BUD13: variants seen among roughly 807,000 people sequenced by gnomAD.
BUD13 encodes the protein BUD13 spliceosome associated protein.
A neutral mutation model predicts 62.5 loss-of-function variants in BUD13; 47 were observed. That is an observed-to-expected ratio of 0.75 (90% CI 0.60 to 0.96). The LOEUF is 0.96. Ranked by LOEUF, BUD13 falls within the 40% of genes least tolerant of loss-of-function variation. The probability of loss-of-function intolerance (pLI) is 0.00; values close to 1 mark genes in which losing one functional copy is unlikely to be tolerated. For synonymous variants in BUD13, 293 were observed against 280.1 expected, an observed-to-expected ratio of 1.05 and a Z score of -0.46; for missense variants, 821 against 790.9, an observed-to-expected ratio of 1.04 and a Z score of -0.46.
In BUD13 at chr11:116,757,898, T is replaced by A. The variant is rs1212701533; in HGVS notation, c.1552A>T (p.Met518Leu). 6.2e-7 allele frequency: 1 copy of A among 1,614,072 alleles called. No homozygotes were observed. Among genetic ancestry groups the A allele is most frequent in the Non-Finnish European group, 8.5e-7 (1 of 1,180,038 alleles). Residue 518 changes from methionine to leucine, a missense_variant, in exon 8 of 10, where the codon ATG (methionine) becomes TTG (leucine). By Grantham distance (15) the Met-to-Leu change is conservative. Around this residue, in one of 2 missense-constraint regions of BUD13, gnomAD observed 800 missense variants for 739.2 expected, o/e 1.08. Coordinates refer to ENST00000260210, the MANE Select transcript of BUD13 (RefSeq NM_032725.4). The part of the protein sequence containing the change: ...QQNVEDAMKE[M>L]QKPLARYIDD... ...ATATAGCGGGCCAGAGGCTTTTGCA[T>A]CTCTTTCATTGCATCCTCCACATTT...
chr11:116,755,510 C>T (rs77112220), intron 9 of BUD13, among the ~76,000 whole-genome samples: 7,527 of 152,246 alleles, frequency 0.049, 264 homozygotes, highest in Admixed American at 0.1. Context: ...GTTTCAGGTT[C>T]CACATAGCTC....
chr11:116,770,056 CAAAAAAAAAA>C (rs34855544), intron 2 of BUD13, 63 bp downstream of exon 2: 1 of 853,192 alleles, frequency 1.2e-6, no homozygotes, highest in Non-Finnish European at 1.6e-6. Context: ...GACTCCGTCT[CAAAAAAAAAA>C]AAAAAAAGGA....
intron 9 of BUD13, among the ~76,000 whole-genome samples, chr11:116,749,381 G>C (rs1940195189): frequency 6.6e-6 from 1 of 152,312 alleles, no homozygotes; most frequent in Middle Eastern, 3.4e-3. Context: ...GGGTGTCATG[G>C]AAACAGAATG....
At chr11:116,763,640 C>T (rs1028929906) in intron 3 of BUD13, among the ~76,000 whole-genome samples, 1 of 152,128 alleles carries the variant, frequency 6.6e-6, no homozygotes, top group Non-Finnish European at 1.5e-5. Flanking sequence ...AAGACACAGG[C>T]TAGAATCCAA....
chr11:116,750,295 G>T (rs1940210806), intron 9 of BUD13, among the ~76,000 whole-genome samples: 1 of 151,996 alleles, frequency 6.6e-6, no homozygotes, highest in Non-Finnish European at 1.5e-5. Context: ...ACAATACAGG[G>T]GTGAATTTCA....
At position 116,760,806 on chromosome 11, in the gene BUD13, T is replaced by A. The variant is rs1940415784; in HGVS notation, c.1183A>T (p.Arg395Trp). Residue 395 changes from arginine (R) to tryptophan (W), a missense_variant, in exon 5 of 10, where the codon AGG becomes TGG. Coordinates refer to ENST00000260210, the MANE Select transcript of BUD13 (RefSeq NM_032725.4). Reference protein sequence around the residue: ...SSDSDLSPPRRRQRTKSSDSD... With the variant: ...SSDSDLSPPRWRQRTKSSDSD... ...TCAGAAGATTTGGTCCTCTGTCTCC[T>A]CCTTGGTGGAGAGAGGTCAGAATCA... 6.2e-7 allele frequency: 1 copy of A among 1,614,070 alleles called. No homozygotes were observed. Among genetic ancestry groups the A allele is most frequent in the Admixed American group, 1.7e-5 (1 of 60,002 alleles).
chr11:116,752,868 C>T (rs544405132), intron 9 of BUD13, among the ~76,000 whole-genome samples: 2 of 152,256 alleles, frequency 1.3e-5, no homozygotes, highest in Admixed American at 6.5e-5. Flanking sequence ...TGGGTTCAAG[C>T]GATCTTCCTG....
chr11:116,760,738 C>T lies in BUD13; in HGVS notation c.1251G>A (p.Lys417=). ...CATGGCTCCTGAAAATCCTGACCTT[C>T]TTTCCAGGAGGCTGACTCCTTCGAG... is the stretch of plus-strand genomic sequence containing the variant. ...SPPRRSQPPG[K]KAAHMYSGAK... is the part of the protein sequence containing the mutation. Residue 417 remains lysine (K), a synonymous_variant, in exon 5 of 10, where the codon AAG becomes AAA. Transcript: ENST00000260210. The T allele has an allele frequency of 6.2e-7, 1 of 1,614,148 alleles. No individual in the cohort carries two copies. The highest frequency in any genetic ancestry group is 8.5e-7 in the Non-Finnish European group (1 of 1,179,988).
chr11:116,765,171 G>C (rs1214540236), intron 3 of BUD13, among the ~76,000 whole-genome samples, 191 bp downstream of exon 3: 2 of 152,102 alleles, frequency 1.3e-5, no homozygotes, highest in African/African-American at 4.8e-5. Flanking sequence ...AAGAGAAAGA[G>C]GAATATCTGG....
At chr11:116,770,401 TC>T (rs1940605509) in intron 1 of BUD13, among the ~76,000 whole-genome samples, 179 bp from the exon 2 acceptor site, 1 of 152,246 alleles carries the variant, frequency 6.6e-6, no homozygotes, top group African/African-American at 2.4e-5. Flanking sequence ...TCCCTGGTCA[TC>T]CTTTGGTGCT....
chr11:116,756,659 C>T (rs1940331538), intron 9 of BUD13, among the ~76,000 whole-genome samples: 1 of 152,182 alleles, frequency 6.6e-6, no homozygotes, highest in Non-Finnish European at 1.5e-5. Context: ...AGCAAATATT[C>T]ATCCATCATA....
At chr11:116,749,663 A>C (rs2134169314) in intron 9 of BUD13, among the ~76,000 whole-genome samples, 2 of 152,366 alleles carry the variant, frequency 1.3e-5, no homozygotes, top group East Asian at 3.9e-4. Context: ...GGAAAGGCGC[A>C]GAGGCCAATG....
intron 3 of BUD13, among the ~76,000 whole-genome samples, 161 bp downstream of exon 3, chr11:116,765,201 T>C (rs936506784): frequency 2.6e-5 from 4 of 152,194 alleles, no homozygotes; most frequent in Admixed American, 6.5e-5. Context: ...TCCTATGTCT[T>C]ACTACCTCTG....
At chr11:116,753,968 C>T (rs535528035) in intron 9 of BUD13, among the ~76,000 whole-genome samples, 17 of 152,328 alleles carry the variant, frequency 1.1e-4, no homozygotes, top group African/African-American at 2.9e-4. Flanking sequence ...ACAGAATATA[C>T]GTTCTCTTCA....
In BUD13 at chr11:116,762,827, C is replaced by G; in HGVS notation, c.762G>C (p.Arg254Ser). ...GCTGTGTGTCTGAAGAGCCAAGAGTCCTCCTAGATGTGTCAGGGGAGTTGT... is the reference window on the plus strand; with the variant it reads ...GCTGTGTGTCTGAAGAGCCAAGAGTGCTCCTAGATGTGTCAGGGGAGTTGT... ...VHNNSPDTSRRTLGSSDTQQL... is the reference protein window; with the variant it reads ...VHNNSPDTSRSTLGSSDTQQL... The change falls in exon 4 of 10, where the codon AGG (arginine) becomes AGC (serine). Residue 254 changes from arginine to serine, a missense_variant. By Grantham distance (110) the Arg-to-Ser change is moderately radical. Coordinates refer to ENST00000260210, the MANE Select transcript of BUD13 (RefSeq NM_032725.4). The G allele has an allele frequency of 6.2e-7, 1 of 1,613,552 alleles. No homozygotes were observed. The highest frequency in any genetic ancestry group is 1.7e-5 in the Admixed American group (1 of 59,966).
intron 9 of BUD13, among the ~76,000 whole-genome samples, chr11:116,749,401 A>C (rs543249384): frequency 2.6e-5 from 4 of 152,176 alleles, no homozygotes; most frequent in African/African-American, 9.7e-5. Flanking sequence ...GGGTATCTTA[A>C]TCAGCTTGGG....
At chr11:116,772,712 G>A in intron 1 of BUD13, 110 bp downstream of exon 1, 1 of 1,360,884 alleles carries the variant, frequency 7.3e-7, no homozygotes, top group South Asian at 1.6e-5. Context: ...GGGGTCGGCG[G>A]AGAAGCCGAG....
At chr11:116,755,745 A>G (rs1940310549) in intron 9 of BUD13, among the ~76,000 whole-genome samples, 1 of 152,200 alleles carries the variant, frequency 6.6e-6, no homozygotes, top group South Asian at 2.1e-4. Flanking sequence ...TTCACTTGGA[A>G]AATGTAATTA....
Position 116,762,670 on chromosome 11 carries a change from C to G in BUD13, c.919G>C (p.Ala307Pro). ...TTCTTTGGGAATGACAAATGGGAGG[C>G]TCCTGACTCCTTCCAATGTGGAGAA... ...KTSPHWKESG[A>P]SHLSFPKNSK... Residue 307 changes from alanine (A) to proline (P), a missense_variant, in exon 4 of 10, where the codon GCC becomes CCC. Around this residue, in one of 2 missense-constraint regions of BUD13, gnomAD observed 800 missense variants for 739.2 expected, o/e 1.08. Transcript: ENST00000260210. 2 of 1,614,208 alleles carry G rather than the reference C, an allele frequency of 1.2e-6. No individual in the cohort carries two copies. Among genetic ancestry groups the G allele is most frequent in the Non-Finnish European group, 1.7e-6 (2 of 1,180,028 alleles).
Sources: allele counts gnomAD v4.1 joint callset (sites outside exome capture counted in the v4.1 genomes callset), GRCh38; gene constraint gnomAD v4.1.1; regional missense constraint gnomAD v4.1.1; transcripts MANE v1.5; gene names NCBI Gene and HGNC (gene_info 2026-07-23, HGNC 2026-07-21).